Variants in SANBR observed in about 807,000 individuals in gnomAD.
The protein encoded by SANBR is SANT and BTB domain regulator of CSR.
In SANBR, 77 loss-of-function variants were observed where a neutral mutation model predicts 101.8. The ratio of observed to expected loss-of-function variants is 0.76; its 90% CI spans 0.63 to 0.91. SANBR has a LOEUF of 0.91. Ranked by LOEUF, SANBR falls within the 40% of genes least tolerant of loss-of-function variation. SANBR has a pLI of 0.00. For missense variants in SANBR, 875 were observed against 853.0 expected (o/e 1.03, Z -0.32); for synonymous variants, 279 against 274.7 (o/e 1.02, Z -0.15).
intron 16 of SANBR, 73 bp from the exon 17 acceptor site, chr2:61,115,906 T>C (rs1684057989): frequency 1.2e-6 from 1 of 858,974 alleles, no homozygotes; most frequent in Non-Finnish European, 1.9e-6. Flanking sequence ...AATGGTCTTA[T>C]TGTTTAGAAG....
At position 61,117,347 on chromosome 2, in the gene SANBR, T is replaced by A; in HGVS notation, c.1837-10T>A. The A allele has an allele frequency of 6.2e-7, 1 of 1,602,482 alleles. No homozygotes were observed. The highest frequency in any genetic ancestry group is 2.2e-5 in the East Asian group (1 of 44,778). ...CTAATTGGGCCTTAATGTTGTCTAC[T>A]TTTTTTTAGTCAGCTTCTAGAGATG... On this transcript the variant is annotated splice_polypyrimidine_tract_variant and intron_variant, in intron 17 of 21. Coordinates refer to ENST00000402291, the MANE Select transcript of SANBR (RefSeq NM_001129993.3).
At position 61,084,893 on chromosome 2, in the gene SANBR, A is replaced by T. The variant is rs190505658; in HGVS notation, c.890+1579A>T. On this transcript the variant is annotated intron_variant, in intron 8 of 21. Transcript: ENST00000402291. ...TGGACTCAGTTGTTAGATTTGACAG[A>T]TTTATGAATGTAATGATGTGGGGAG... is the stretch of plus-strand genomic sequence containing the variant. 2.5e-3 allele frequency among the ~76,000 whole-genome samples: 375 copies of T among 152,260 alleles called. 1 individual carries two copies. The highest frequency in any genetic ancestry group is 8.5e-3 in the African/African-American group (354 of 41,558).
intron 20 of SANBR, 71 bp from the exon 21 acceptor site, chr2:61,121,113 TA>T: frequency 9.6e-7 from 1 of 1,044,558 alleles, no homozygotes; most frequent in East Asian, 2.7e-5. Context: ...AATTAAAAAG[TA>T]ATCCCATTTT....
intron 21 of SANBR, chr2:61,134,410 T>C (rs1684783992): frequency 1.2e-6 from 1 of 850,240 alleles, no homozygotes; most frequent in Non-Finnish European, 1.8e-6. Context: ...TTTTGTTTGC[T>C]GCCTATTGAA....
intron 11 of SANBR, among the ~76,000 whole-genome samples, chr2:61,095,482 A>G (rs1451202319): frequency 6.6e-6 from 1 of 152,246 alleles, no homozygotes; most frequent in African/African-American, 2.4e-5. Context: ...ATTATAAACT[A>G]TTCTTTAATG....
intron 21 of SANBR, among the ~76,000 whole-genome samples, chr2:61,136,996 A>C (rs944021049): frequency 6.6e-6 from 1 of 151,204 alleles, no homozygotes; most frequent in East Asian, 1.9e-4. Flanking sequence ...AACAACGATA[A>C]TAATAATAAT....
At chr2:61,096,640 C>G (rs1251121452) in intron 11 of SANBR, among the ~76,000 whole-genome samples, 1 of 152,048 alleles carries the variant, frequency 6.6e-6, no homozygotes, top group African/African-American at 2.4e-5. Context: ...CCTCGAATTC[C>G]TAGGTTTAAG....
intron 11 of SANBR, 136 bp from the exon 12 acceptor site, chr2:61,097,564 C>G (rs1284941898): frequency 1.7e-6 from 1 of 597,948 alleles, no homozygotes; most frequent in African/African-American, 1.9e-5. Flanking sequence ...CACTAATCTA[C>G]TTTGTGTCTG....
At chr2:61,116,583 A>G (rs1684089208) in intron 17 of SANBR, among the ~76,000 whole-genome samples, 1 of 152,206 alleles carries the variant, frequency 6.6e-6, no homozygotes, top group Admixed American at 6.5e-5. Flanking sequence ...TAAAAAAGCC[A>G]GGTAGGAATA....
At chr2:61,117,630 C>G (rs1684138713) in intron 19 of SANBR, 90 bp downstream of exon 19, 1 of 1,154,432 alleles carries the variant, frequency 8.7e-7, no homozygotes, top group Non-Finnish European at 1.3e-6. Flanking sequence ...CTGAATAGCT[C>G]TAGAGTTTCT....
At chr2:61,127,649 T>TC (rs1419281603), downstream of SANBR, among the ~76,000 whole-genome samples, 3 of 152,034 alleles carry the variant, frequency 2.0e-5, no homozygotes, top group South Asian at 2.1e-4. Context: ...TCCCACCTTT[T>TC]CCCCACTTTT....
intron 6 of SANBR, among the ~76,000 whole-genome samples, chr2:61,079,425 CTT>C (rs770496208): frequency 6.6e-6 from 1 of 152,090 alleles, no homozygotes; most frequent in Non-Finnish European, 1.5e-5. Flanking sequence ...AAATAGAACT[CTT>C]ATGGAAAATA....
At chr2:61,103,327 C>T (rs1041977409) in intron 12 of SANBR, among the ~76,000 whole-genome samples, 4 of 151,988 alleles carry the variant, frequency 2.6e-5, no homozygotes, top group Admixed American at 2.6e-4. Context: ...TTTTTAGAGA[C>T]AGGGTTTTGC....
chr2:61,128,762 G>C (rs1430629632), downstream of SANBR, among the ~76,000 whole-genome samples: 1 of 152,126 alleles, frequency 6.6e-6, no homozygotes, highest in Non-Finnish European at 1.5e-5. Flanking sequence ...CCAGAGTGCT[G>C]AGATTACTAG....
intron 17 of SANBR, 73 bp downstream of exon 17, chr2:61,116,143 A>G: frequency 9.4e-7 from 1 of 1,063,238 alleles, no homozygotes; most frequent in Non-Finnish European, 1.4e-6. Flanking sequence ...AAAAAAATAA[A>G]AAGAGTAATG....
intron 11 of SANBR, among the ~76,000 whole-genome samples, chr2:61,095,097 T>C (rs1056462126): frequency 2.0e-5 from 3 of 152,212 alleles, no homozygotes. Flanking sequence ...TCAGTAGCAA[T>C]TGATATAGTC....
At chr2:61,120,620 C>G (rs528946811) in intron 20 of SANBR, among the ~76,000 whole-genome samples, 1 of 152,176 alleles carries the variant, frequency 6.6e-6, no homozygotes, top group South Asian at 2.1e-4. Flanking sequence ...GGTCTCAGCT[C>G]CTCTGGAGGC....
intron 20 of SANBR, among the ~76,000 whole-genome samples, chr2:61,133,321 T>G (rs956335208): frequency 1.3e-5 from 2 of 151,976 alleles, no homozygotes; most frequent in Non-Finnish European, 2.9e-5. Flanking sequence ...GTGTGCATAA[T>G]GGATGTGTGG....
intron 17 of SANBR, among the ~76,000 whole-genome samples, chr2:61,116,462 A>G (rs1212206167): frequency 6.6e-6 from 1 of 152,178 alleles, no homozygotes; most frequent in African/African-American, 2.4e-5. Flanking sequence ...TGAATTTTAA[A>G]CCAATATTAT....
Sources: allele counts gnomAD v4.1 joint callset (sites outside exome capture counted in the v4.1 genomes callset), GRCh38; gene constraint gnomAD v4.1.1; transcripts MANE v1.5; gene names NCBI Gene and HGNC (gene_info 2026-07-23, HGNC 2026-07-21).